PARM1: variants seen among roughly 807,000 people sequenced by gnomAD.
PARM1 encodes WSC4, cell wall integrity and stress response component 4 homolog.
PARM1 carries 14 observed loss-of-function variants against 24.6 expected under a neutral mutation model. That is an observed-to-expected ratio of 0.57 (90% CI 0.38 to 0.89). The LOEUF (loss-of-function observed/expected upper bound fraction) is 0.89. Among genes scored for constraint, PARM1 ranks in the 40% least tolerant of loss-of-function variants. PARM1 has a pLI of 0.00. For missense variants in PARM1, 362 were observed against 380.4 expected (o/e 0.95, Z 0.40); for synonymous variants, 179 against 156.6 (o/e 1.14, Z -1.07).
intron 1 of PARM1, among the ~76,000 whole-genome samples, chr4:74,942,783 T>G (rs1721337053): frequency 1.3e-5 from 2 of 152,194 alleles, no homozygotes; most frequent in Admixed American, 1.3e-4. Flanking sequence ...CCTCCCCTCT[T>G]AGGTCTGTTT....
intron 1 of PARM1, among the ~76,000 whole-genome samples, chr4:74,992,844 A>G (rs1405951696): frequency 1.3e-5 from 2 of 152,224 alleles, no homozygotes; most frequent in Non-Finnish European, 2.9e-5. Flanking sequence ...GAAATTCTTC[A>G]GGTAGAAGGA....
chr4:74,935,928 G>A lies in PARM1; in HGVS notation c.43+2558G>A, dbSNP rs540599069. Among the ~76,000 whole-genome samples the A allele has an allele frequency of 3.3e-5, 5 of 152,140 alleles. No homozygotes were observed. In the East Asian group the frequency reaches 9.7e-4, roughly 29 times the overall value. On this transcript the variant is annotated intron_variant, in intron 1 of 3. Coordinates refer to ENST00000307428, the MANE Select transcript of PARM1 (RefSeq NM_015393.4). ...CGATTCCAGTTCCACTGCAACCTCG[G>A]CCTCCCCATCCTCTCATCTCAACCT...
intron 3 of PARM1, among the ~76,000 whole-genome samples, chr4:75,038,736 C>G (rs538491835): frequency 6.6e-6 from 1 of 152,206 alleles, no homozygotes; most frequent in Non-Finnish European, 1.5e-5. Flanking sequence ...CCCTGTCTAC[C>G]TTTTGCAGAA....
chr4:74,955,284 G>T (rs1721608332), intron 1 of PARM1, among the ~76,000 whole-genome samples: 1 of 151,678 alleles, frequency 6.6e-6, no homozygotes, highest in Non-Finnish European at 1.5e-5. Flanking sequence ...TAAGGTCACT[G>T]ATAAGCTTCA....
chr4:74,968,026 T>G (rs1484202623), intron 1 of PARM1, among the ~76,000 whole-genome samples: 1 of 152,244 alleles, frequency 6.6e-6, no homozygotes, highest in African/African-American at 2.4e-5. Context: ...TTCATTTTCC[T>G]TCTTGCAAAA....
At chr4:74,953,404 G>C (rs1404030663) in intron 1 of PARM1, among the ~76,000 whole-genome samples, 5 of 152,170 alleles carry the variant, frequency 3.3e-5, no homozygotes, top group African/African-American at 1.2e-4. Flanking sequence ...TCCTTGATGA[G>C]AACTGAGTTC....
intron 1 of PARM1, among the ~76,000 whole-genome samples, chr4:74,983,675 T>C (rs192382246): frequency 6.6e-6 from 1 of 152,318 alleles, no homozygotes; most frequent in Admixed American, 6.5e-5. Flanking sequence ...TCTTCTTAGA[T>C]TTGGCCCTGG....
At chr4:75,000,602 A>G (rs934790162) in intron 1 of PARM1, among the ~76,000 whole-genome samples, 3 of 152,186 alleles carry the variant, frequency 2.0e-5, no homozygotes, top group African/African-American at 7.2e-5. Flanking sequence ...TTGCTTTTAT[A>G]AAGAGGCAAA....
chr4:74,955,180 T>A (rs534610503), intron 1 of PARM1, among the ~76,000 whole-genome samples: 4 of 151,966 alleles, frequency 2.6e-5, no homozygotes, highest in Non-Finnish European at 5.9e-5. Context: ...ATAAACATAT[T>A]CCAAATAACT....
At chr4:74,945,582 A>G (rs1014265625) in intron 1 of PARM1, among the ~76,000 whole-genome samples, 2 of 152,230 alleles carry the variant, frequency 1.3e-5, no homozygotes, top group Admixed American at 1.3e-4. Flanking sequence ...TGCTGCATAA[A>G]TCATTGATCA....
rs944928752 is a variant in PARM1, at chr4:74,933,170, C to A, written c.-158C>A. On this transcript the variant is annotated 5_prime_UTR_variant, in exon 1 of 4. Coordinates refer to ENST00000307428, the MANE Select transcript of PARM1 (RefSeq NM_015393.4). ...AGCTGACGGAGCTGCGCTGCGTTCGCCTCGTTTGCCTCGCGCCCTCCACTG... is the reference window on the plus strand; with the variant it reads ...AGCTGACGGAGCTGCGCTGCGTTCGACTCGTTTGCCTCGCGCCCTCCACTG... 5.0e-5 allele frequency: 30 copies of A among 600,242 alleles called. 1 individual carries two copies. The African/African-American group carries it at 5.5e-4, about 11-fold the overall frequency. The allele number at this position is 600,242 out of a possible 1,614,324, so 37.2% of individuals were successfully genotyped here. A position where few individuals can be genotyped will look rare whatever the true frequency, so the allele number is the denominator to read the frequency against.
intron 1 of PARM1, among the ~76,000 whole-genome samples, chr4:74,958,548 A>G (rs1348816645): frequency 6.6e-6 from 1 of 152,202 alleles, no homozygotes; most frequent in Non-Finnish European, 1.5e-5. Flanking sequence ...AAGCATATAC[A>G]AAGGTCCAGT....
intron 1 of PARM1, among the ~76,000 whole-genome samples, chr4:75,004,725 C>CTTTTT (rs757783424): frequency 6.6e-6 from 1 of 152,146 alleles, no homozygotes; most frequent in Non-Finnish European, 1.5e-5. Context: ...TTCATACAGT[C>CTTTTT]TAATAACTTT....
intron 1 of PARM1, among the ~76,000 whole-genome samples, chr4:74,946,649 G>T (rs1721418214): frequency 6.6e-6 from 1 of 152,136 alleles, no homozygotes; most frequent in South Asian, 2.1e-4. Context: ...TATTCTCAAA[G>T]AATACTAGGA....
intron 1 of PARM1, among the ~76,000 whole-genome samples, chr4:74,972,515 A>T (rs540548335): frequency 6.6e-6 from 1 of 152,292 alleles, no homozygotes; most frequent in African/African-American, 2.4e-5. Context: ...ACATCTGCAG[A>T]TGGATCTGAA....
At chr4:74,989,488 G>A (rs1027496472) in intron 1 of PARM1, among the ~76,000 whole-genome samples, 4 of 152,176 alleles carry the variant, frequency 2.6e-5, no homozygotes, top group African/African-American at 7.2e-5. Context: ...ATGTAGGAAG[G>A]GATGTGGAGT....
At chr4:75,004,530 G>A (rs1722736594) in intron 1 of PARM1, among the ~76,000 whole-genome samples, 1 of 152,200 alleles carries the variant, frequency 6.6e-6, no homozygotes, top group East Asian at 1.9e-4. Flanking sequence ...CAGTGCAAAG[G>A]CAGGGAGGCA....
rs551476189 is a variant in PARM1 at position 74,933,358 on chromosome 4, A to G, written c.31A>G (p.Ile11Val). 1 of 1,612,872 alleles carries G rather than the reference A, an allele frequency of 6.2e-7. No individual in the cohort carries two copies. The highest frequency in any genetic ancestry group is 2.2e-5 in the East Asian group (1 of 44,818). The change falls in exon 1 of 4, where the codon ATC becomes GTC. Residue 11 changes from isoleucine (I) to valine (V), a missense_variant. Transcript: ENST00000307428. MVYKTLFALCILTAGWRVQSL... is the reference protein window; with the variant it reads MVYKTLFALCVLTAGWRVQSL... ...CTACAAGACTCTCTTCGCTCTTTGC[A>G]TCTTAACTGCAGGTAATTGGCGCCA...
chr4:74,951,978 G>T (rs189653745), intron 1 of PARM1, among the ~76,000 whole-genome samples: 237 of 152,308 alleles, frequency 1.6e-3, no homozygotes, highest in African/African-American at 5.4e-3. Context: ...GGGTCAAATG[G>T]TATTTCTGGA....
Sources: gnomAD v4.1 joint callset for allele counts (sites outside exome capture counted in the v4.1 genomes callset) on GRCh38, gnomAD v4.1.1 for gene constraint, MANE v1.5 for transcripts, NCBI Gene and HGNC (gene_info 2026-07-23, HGNC 2026-07-21) for gene names.